The following KCTD16 variants were observed in gnomAD, a reference collection of about 807,000 sequenced individuals.
KCTD16 encodes BTB/POZ domain-containing protein KCTD16.
In KCTD16, 13 loss-of-function variants were observed where a neutral mutation model predicts 33.2. The observed-to-expected ratio is 0.39, with a 90% CI of 0.25 to 0.62. The LOEUF is 0.62. Ranked by LOEUF, KCTD16 falls within the 20% of genes least tolerant of loss-of-function variation. The pLI is 0.50. For missense variants in KCTD16, 441 were observed against 525.1 expected (o/e 0.84, Z 1.57); for synonymous variants, 197 against 195.3 (o/e 1.01, Z -0.07).
intron 3 of KCTD16, among the ~76,000 whole-genome samples, chr5:144,332,455 C>T (rs1752383977): frequency 6.6e-6 from 1 of 152,256 alleles, no homozygotes; most frequent in East Asian, 1.9e-4. Context: ...AAACAACCCA[C>T]TCTCTCTACC....
chr5:144,378,133 A>G (rs1399798837), intron 3 of KCTD16, among the ~76,000 whole-genome samples: 2 of 152,198 alleles, frequency 1.3e-5, no homozygotes, highest in African/African-American at 4.8e-5. Context: ...TTCAAAGAAC[A>G]CAGCCTTCCC....
intron 2 of KCTD16, among the ~76,000 whole-genome samples, chr5:144,179,796 C>A (rs977563504): frequency 6.6e-6 from 1 of 152,072 alleles, no homozygotes; most frequent in Admixed American, 6.5e-5. Flanking sequence ...CTTTTGTATC[C>A]CAACTCTAGG....
chr5:144,467,017 A>G (rs1488638298), intron 3 of KCTD16, among the ~76,000 whole-genome samples: 1 of 126,046 alleles, frequency 7.9e-6, no homozygotes, highest in South Asian at 2.2e-4. Flanking sequence ...TATATATAAT[A>G]TATATAACAC....
rs117605114 is a variant in KCTD16, at chr5:144,431,354, G to A, written c.833-42306G>A. On this transcript the variant is annotated intron_variant, in intron 3 of 3. Transcript: ENST00000512467. ...TAACTTGAGCAAGATGAAGAGACTT[G>A]CTTTAGCTTCTTCACAAATACAATG... is the stretch of plus-strand genomic sequence containing the variant. 3.9e-5 allele frequency among the ~76,000 whole-genome samples: 6 copies of A among 152,226 alleles called. No homozygotes were observed. The East Asian group carries it at 1.2e-3, about 29-fold the overall frequency.
intron 3 of KCTD16, among the ~76,000 whole-genome samples, chr5:144,299,540 G>A (rs1751366676): frequency 6.6e-6 from 1 of 152,004 alleles, no homozygotes; most frequent in Admixed American, 6.5e-5. Flanking sequence ...AATAGGTTTT[G>A]TTTTGTTTTG....
intron 3 of KCTD16, among the ~76,000 whole-genome samples, chr5:144,409,280 G>T: frequency 6.6e-6 from 1 of 152,012 alleles, no homozygotes. Context: ...TTTTTACATT[G>T]GTTATGCTCC....
chr5:144,440,438 C>T (rs551329623), intron 3 of KCTD16, among the ~76,000 whole-genome samples: 2 of 152,268 alleles, frequency 1.3e-5, no homozygotes, highest in African/African-American at 4.8e-5. Context: ...CTTCACATTT[C>T]ACCTCCAATG....
chr5:144,199,698 A>C (rs955633035), intron 2 of KCTD16, among the ~76,000 whole-genome samples: 5 of 147,958 alleles, frequency 3.4e-5, no homozygotes, highest in Admixed American at 6.7e-5. Flanking sequence ...TTTGTTCCAG[A>C]ACAGCTTCAT....
chr5:144,367,646 T>C (rs1751867469), intron 3 of KCTD16, among the ~76,000 whole-genome samples: 1 of 151,780 alleles, frequency 6.6e-6, no homozygotes, highest in Admixed American at 6.6e-5. Context: ...TCTGTATCTT[T>C]CCCCCCATAC....
intron 3 of KCTD16, among the ~76,000 whole-genome samples, chr5:144,218,597 A>G (rs1369089150): frequency 1.3e-5 from 2 of 152,202 alleles, no homozygotes; most frequent in Admixed American, 6.5e-5. Flanking sequence ...GTCTGTTAAT[A>G]GTGCTTTAGC....
At chr5:144,189,618 G>A (rs183692318) in intron 2 of KCTD16, among the ~76,000 whole-genome samples, 5 of 152,294 alleles carry the variant, frequency 3.3e-5, no homozygotes, top group Admixed American at 2.6e-4. Context: ...TAAGAATGGA[G>A]GCTTAAAGCA....
At chr5:144,259,592 C>T (rs1754950512) in intron 3 of KCTD16, among the ~76,000 whole-genome samples, 2 of 152,080 alleles carry the variant, frequency 1.3e-5, no homozygotes, top group Admixed American at 1.3e-4. Flanking sequence ...TGGGTGTTTC[C>T]ATTTGTTTGG....
chr5:144,474,453 C>T lies in KCTD16; in HGVS notation c.*339C>T, dbSNP rs1221730691. The T allele has an allele frequency of 5.0e-6, 1 of 200,230 alleles. No individual in the cohort carries two copies. The highest frequency in any genetic ancestry group is 1.0e-5 in the Non-Finnish European group (1 of 98,528). The allele number at this position is 200,230 out of a possible 1,614,324, so 12.4% of individuals were successfully genotyped here. On this transcript the variant is annotated 3_prime_UTR_variant, in exon 4 of 4. Coordinates refer to ENST00000512467, the MANE Select transcript of KCTD16 (RefSeq NM_020768.4). ...TCATTTATCCCAAACTGGGTTTTTT[C>T]TCTCATCCTTCTACCTCCCTCCTTT...
chr5:144,237,005 A>T (rs1288842544), intron 3 of KCTD16, among the ~76,000 whole-genome samples: 1 of 152,060 alleles, frequency 6.6e-6, no homozygotes, highest in African/African-American at 2.4e-5. Context: ...CTGGTAGGTC[A>T]AGTGGTTGGA....
intron 3 of KCTD16, among the ~76,000 whole-genome samples, chr5:144,301,247 A>T (rs1201385554): frequency 3.3e-5 from 5 of 151,782 alleles, no homozygotes; most frequent in African/African-American, 1.2e-4. Context: ...TCTCAAAAAA[A>T]AAAAAAAAAA....
chr5:144,256,421 A>G (rs974468903), intron 3 of KCTD16, among the ~76,000 whole-genome samples: 3 of 152,316 alleles, frequency 2.0e-5, no homozygotes, highest in South Asian at 2.1e-4. Context: ...TCTGTTGCTA[A>G]GAGAAAGACG....
intron 3 of KCTD16, among the ~76,000 whole-genome samples, chr5:144,469,181 A>T (rs957399905): frequency 2.0e-5 from 3 of 152,204 alleles, no homozygotes; most frequent in Non-Finnish European, 2.9e-5. Flanking sequence ...TTTTCAAGTC[A>T]ATCTTTATCC....
Position 144,206,583 on chromosome 5 carries a change from G to T in KCTD16, c.-132G>T. The T allele has an allele frequency of 2.7e-6, 2 of 734,418 alleles. No individual in the cohort carries two copies. Among genetic ancestry groups the T allele is most frequent in the Non-Finnish European group, 4.5e-6 (2 of 448,752 alleles). 45.5% of individuals were successfully genotyped at this position (734,418 alleles called of 1,614,324 possible). A position where few individuals can be genotyped will look rare whatever the true frequency, so the allele number is the denominator to read the frequency against. ...TTGATTTCTTGGGGGAAAAATACTG[G>T]GATAAGAGGAGGTCATTTTTTAATA... On this transcript the variant is annotated 5_prime_UTR_variant, in exon 3 of 4. Transcript: ENST00000512467.
At chr5:144,428,604 A>G (rs1262384565) in intron 3 of KCTD16, among the ~76,000 whole-genome samples, 1 of 152,196 alleles carries the variant, frequency 6.6e-6, no homozygotes, top group African/African-American at 2.4e-5. Flanking sequence ...TTAAACTTCA[A>G]GGCAAGTCAT....
Sources: allele counts gnomAD v4.1 joint callset (sites outside exome capture counted in the v4.1 genomes callset), GRCh38; gene constraint gnomAD v4.1.1; transcripts MANE v1.5; gene names NCBI Gene and HGNC (gene_info 2026-07-23, HGNC 2026-07-21).